Variants in PCDH7 observed in about 807,000 individuals in gnomAD.
The protein encoded by PCDH7 is protocadherin 7.
PCDH7 carries 17 observed loss-of-function variants against 58.9 expected under a neutral mutation model. The ratio of observed to expected loss-of-function variants is 0.29; its 90% CI spans 0.20 to 0.43. The LOEUF is 0.43. PCDH7 is among the 20% of genes least tolerant of loss of function. PCDH7 has a pLI of 1.00. For missense variants in PCDH7, 1,274 were observed against 1,441.0 expected (o/e 0.88, Z 1.88); for synonymous variants, 664 against 616.4 (o/e 1.08, Z -1.14).
chr4:30,836,576 A>G (rs1730513510), intron 1 of PCDH7, among the ~76,000 whole-genome samples: 1 of 152,198 alleles, frequency 6.6e-6, no homozygotes, highest in Admixed American at 6.5e-5. Flanking sequence ...ATTTTTTCAT[A>G]GCAACATTTA....
chr4:31,069,336 T>A (rs1470757968), intron 3 of PCDH7, among the ~76,000 whole-genome samples: 1 of 151,864 alleles, frequency 6.6e-6, no homozygotes, highest in African/African-American at 2.4e-5. Flanking sequence ...TTCATTTGCT[T>A]TGCTGAAATA....
intron 3 of PCDH7, among the ~76,000 whole-genome samples, chr4:31,109,293 A>G (rs539420615): frequency 1.3e-5 from 2 of 152,244 alleles, no homozygotes; most frequent in African/African-American, 4.8e-5. Context: ...CATTTTAGCA[A>G]TCTACCATGA....
intron 1 of PCDH7, among the ~76,000 whole-genome samples, chr4:30,752,783 C>CAAAAAAAAAAAAAAAAAGAAAAAAA (rs1718724734): frequency 1.0e-5 from 1 of 99,556 alleles, no homozygotes. Flanking sequence ...CCTGTAGGGG[C>CAAAAAAAAAAAAAAAAAGAAAAAAA]AAAAAAAAAA....
chr4:30,783,079 G>A (rs993307628), intron 1 of PCDH7: 2 of 152,114 alleles, frequency 1.3e-5, no homozygotes, highest in African/African-American at 4.8e-5. Context: ...TGAGAAGAAA[G>A]TGAAATACCA....
intron 1 of PCDH7, among the ~76,000 whole-genome samples, chr4:30,865,450 A>G (rs76670800): frequency 0.024 from 3,687 of 152,060 alleles, 156 homozygotes; most frequent in African/African-American, 0.084. Context: ...CTTCAGGAGA[A>G]GCTAGACTAT....
intron 1 of PCDH7, among the ~76,000 whole-genome samples, chr4:30,804,366 C>T (rs1292714446): frequency 6.6e-6 from 1 of 151,970 alleles, no homozygotes; most frequent in Non-Finnish European, 1.5e-5. Context: ...TGGTGAAACC[C>T]AGTCTCTAGT....
At chr4:30,970,793 G>A (rs552809965) in intron 3 of PCDH7, among the ~76,000 whole-genome samples, 60 of 152,254 alleles carry the variant, frequency 3.9e-4, no homozygotes, top group African/African-American at 1.4e-3. Context: ...TAGCTACAGA[G>A]CATATATAAA....
intron 3 of PCDH7, among the ~76,000 whole-genome samples, chr4:31,125,050 G>C (rs533237411): frequency 6.6e-6 from 1 of 152,096 alleles, no homozygotes; most frequent in Non-Finnish European, 1.5e-5. Flanking sequence ...ATCTAAAATA[G>C]ACCTATCCCG....
At chr4:31,036,077 A>G (rs547992944) in intron 3 of PCDH7, among the ~76,000 whole-genome samples, 7 of 152,368 alleles carry the variant, frequency 4.6e-5, no homozygotes, top group African/African-American at 1.7e-4. Flanking sequence ...GGTATTATAA[A>G]TGTGTTTTAC....
intron 3 of PCDH7, among the ~76,000 whole-genome samples, chr4:31,060,618 A>G (rs1241665940): frequency 6.6e-6 from 1 of 151,794 alleles, no homozygotes; most frequent in African/African-American, 2.4e-5. Flanking sequence ...ATATTCCCCA[A>G]CAGCAATCAT....
chr4:31,054,767 T>C (rs1208399225), intron 3 of PCDH7, among the ~76,000 whole-genome samples: 1 of 152,214 alleles, frequency 6.6e-6, no homozygotes, highest in Non-Finnish European at 1.5e-5. Context: ...ATATCTGGTC[T>C]AGTATGACCT....
chr4:31,031,206 T>A (rs978414912), intron 3 of PCDH7, among the ~76,000 whole-genome samples: 1 of 152,102 alleles, frequency 6.6e-6, no homozygotes, highest in Non-Finnish European at 1.5e-5. Flanking sequence ...ATGAGGAGAA[T>A]TTTTGACACC....
chr4:30,927,850 C>A (rs1346533174), intron 2 of PCDH7, among the ~76,000 whole-genome samples: 1 of 77,688 alleles, frequency 1.3e-5, no homozygotes, highest in African/African-American at 4.5e-5. Context: ...CAAGAATGAT[C>A]AATAAAAAAA....
Position 30,722,691 on chromosome 4 carries a change from C to G in PCDH7, c.1269C>G (p.Ile423Met). 6.2e-7 allele frequency: 1 copy of G among 1,613,600 alleles called. No individual in the cohort carries two copies. The highest frequency in any genetic ancestry group is 8.5e-7 in the Non-Finnish European group (1 of 1,180,020). ...TTGAAATCCGCAAGATTGGGCGCAT[C>G]CCCCTCAAGGACGGGGTGGCCAACG... Residue 423 changes from isoleucine (I) to methionine (M), a missense_variant, in exon 1 of 2, where the codon ATC (isoleucine) becomes ATG (methionine). Ile to Met is a conservative substitution (Grantham distance 10, BLOSUM62 1). Around this residue, in one of 3 missense-constraint regions of PCDH7, gnomAD observed 731 missense variants for 881.9 expected, o/e 0.83. Coordinates refer to ENST00000361762, the Ensembl canonical transcript of PCDH7. This position sits in a 1 kb window ranked among gnomAD's most constrained non-coding sequence, Gnocchi z 7.6.
At chr4:30,973,564 A>G (rs1749788919) in intron 3 of PCDH7, among the ~76,000 whole-genome samples, 1 of 152,202 alleles carries the variant, frequency 6.6e-6, no homozygotes, top group Admixed American at 6.5e-5. Context: ...AAGCATTAAG[A>G]TTACTGAATC....
At chr4:30,771,662 G>T (rs369255877) in intron 1 of PCDH7, among the ~76,000 whole-genome samples, 3 of 152,150 alleles carry the variant, frequency 2.0e-5, no homozygotes, top group East Asian at 1.9e-4. Context: ...AAAATATTTT[G>T]TAACTTTAAG....
intron 3 of PCDH7, among the ~76,000 whole-genome samples, chr4:31,053,546 CCAACACAG>C (rs1756921762): frequency 6.6e-6 from 1 of 151,876 alleles, no homozygotes; most frequent in African/African-American, 2.4e-5. Flanking sequence ...ATCAGCCTGG[CCAACACAG>C]TGAGATCCTG....
intron 1 of PCDH7, among the ~76,000 whole-genome samples, chr4:30,745,107 T>G (rs78062488): frequency 6.6e-6 from 1 of 152,104 alleles, no homozygotes; most frequent in Non-Finnish European, 1.5e-5. Flanking sequence ...ATAAAGAAGA[T>G]ATATAGACAC....
chr4:31,027,416 A>ATATTTTATTTTATTT (rs368335116), intron 3 of PCDH7, among the ~76,000 whole-genome samples: 1 of 151,880 alleles, frequency 6.6e-6, no homozygotes, highest in South Asian at 2.1e-4. Flanking sequence ...GTATGTTATT[A>ATATTTTATTTTATTT]TATTTTATTT....
Sources: gnomAD v4.1 joint callset for allele counts (sites outside exome capture counted in the v4.1 genomes callset) on GRCh38, gnomAD v4.1.1 for gene constraint, gnomAD v4.1.1 regional missense constraint, Gnocchi (gnomAD v3.1) non-coding constraint, MANE v1.5 for transcripts, NCBI Gene and HGNC (gene_info 2026-07-23, HGNC 2026-07-21) for gene names.